Variants in AKR1B15 observed in about 807,000 individuals in gnomAD.
AKR1B15 encodes the protein aldo-keto reductase family 1 member B15.
A neutral mutation model predicts 38.5 loss-of-function variants in AKR1B15; 49 were observed. That is an observed-to-expected ratio of 1.27 (90% CI 1.01 to 1.62). The LOEUF (loss-of-function observed/expected upper bound fraction) is 1.62, where lower values mean the gene tolerates loss of function less well. Among genes scored for constraint, AKR1B15 ranks in the 40% most tolerant of loss-of-function variants. The pLI, the probability that AKR1B15 is intolerant of heterozygous loss-of-function variation, is 0.00. For synonymous variants in AKR1B15, 137 were observed against 135.5 expected (o/e 1.01, Z -0.08); for missense variants, 411 against 381.6 (o/e 1.08, Z -0.64).
intron 5 of AKR1B15, among the ~76,000 whole-genome samples, chr7:134,571,269 T>C (rs1794661709): frequency 6.6e-6 from 1 of 152,180 alleles, no homozygotes; most frequent in Non-Finnish European, 1.5e-5. Flanking sequence ...AGATCTAATC[T>C]TTATCCAGTG....
intron 9 of AKR1B15, 95 bp downstream of exon 9, chr7:134,576,525 G>A: frequency 7.0e-6 from 10 of 1,429,654 alleles, no homozygotes; most frequent in Non-Finnish European, 9.7e-6. Context: ...CCTTAAAGGG[G>A]AAGAACACAG....
intron 3 of AKR1B15, chr7:134,565,672 G>A (rs1235302371): frequency 1.3e-6 from 2 of 1,494,042 alleles, no homozygotes; most frequent in Admixed American, 4.5e-5. Flanking sequence ...TTCAGTCCTG[G>A]AGCTGGGACT....
intron 1 of AKR1B15, among the ~76,000 whole-genome samples, chr7:134,550,936 G>A (rs923417734): frequency 3.3e-5 from 5 of 152,074 alleles, no homozygotes; most frequent in African/African-American, 4.8e-5. Flanking sequence ...TGGAACTCCC[G>A]GTCACCCCGA....
intron 11 of AKR1B15, 134 bp from the exon 12 acceptor site, chr7:134,579,373 C>G: frequency 1.4e-6 from 1 of 704,470 alleles, no homozygotes; most frequent in Non-Finnish European, 2.3e-6. Context: ...TGTAAGCACC[C>G]TTCTTGTGTT....
At chr7:134,562,640 T>TC (rs1159404797) in intron 2 of AKR1B15, among the ~76,000 whole-genome samples, 1 of 150,112 alleles carries the variant, frequency 6.7e-6, no homozygotes, top group Non-Finnish European at 1.5e-5. Context: ...CATCTTACAA[T>TC]CCTCTTGTAA....
chr7:134,568,468 C>A, intron 4 of AKR1B15, 143 bp downstream of exon 4: 1 of 1,264,356 alleles, frequency 7.9e-7, no homozygotes, highest in Non-Finnish European at 1.1e-6. Context: ...GGATACAATA[C>A]TATCCATACT....
rs914004150 is a variant in AKR1B15 at position 134,575,531 on chromosome 7, G to A, written c.625G>A (p.Val209Met). Residue 209 changes from valine to methionine, a missense_variant, in exon 7 of 12, where the codon GTG becomes ATG. Val to Met is a conservative substitution (Grantham distance 21). Transcript: ENST00000457545. ...LNKPGLKYKP[V>M]TNQVECHPYL... ...CAAACCTGGACTGAAATATAAACCA[G>A]TGACTAACCAGGTAAATTCTATTCA... is the stretch of plus-strand genomic sequence containing the variant. The A allele has an allele frequency of 6.2e-7, 1 of 1,613,714 alleles. No homozygotes were observed. The highest frequency in any genetic ancestry group is 8.5e-7 in the Non-Finnish European group (1 of 1,179,816).
At position 134,577,689 on chromosome 7, in the gene AKR1B15, T is replaced by A; in HGVS notation, c.910-15T>A. The A allele has an allele frequency of 6.2e-7, 1 of 1,611,494 alleles. No homozygotes were observed. The highest frequency in any genetic ancestry group is 8.5e-7 in the Non-Finnish European group (1 of 1,178,640). On this transcript the variant is annotated splice_polypyrimidine_tract_variant and intron_variant, in intron 10 of 11. Coordinates refer to ENST00000457545, the MANE Select transcript of AKR1B15 (RefSeq NM_001080538.3). Reference sequence around the variant, plus strand: ...CAGCCTTACCGATAATGTATTGGAATTCTTTCCTTTCTAGGTCTTTGACTT... The same window carrying A: ...CAGCCTTACCGATAATGTATTGGAAATCTTTCCTTTCTAGGTCTTTGACTT...
chr7:134,576,572 G>A (rs1794772588), intron 9 of AKR1B15, 142 bp downstream of exon 9: 1 of 997,914 alleles, frequency 1.0e-6, no homozygotes, highest in Non-Finnish European at 1.5e-6. Context: ...TTTGAAGTCT[G>A]TTGGAACCTC....
chr7:134,552,141 G>C (rs1794005720), intron 1 of AKR1B15, among the ~76,000 whole-genome samples: 1 of 152,146 alleles, frequency 6.6e-6, no homozygotes, highest in African/African-American at 2.4e-5. Context: ...TAACCCACTT[G>C]TTCCTCGTGG....
chr7:134,573,565 A>C, intron 6 of AKR1B15: 1 of 984,698 alleles, frequency 1.0e-6, no homozygotes, highest in Non-Finnish European at 1.2e-6. Flanking sequence ...ATGTAGACCC[A>C]CAACCAGTTC....
chr7:134,572,727 A>G (rs1794692026), intron 6 of AKR1B15, among the ~76,000 whole-genome samples: 1 of 152,064 alleles, frequency 6.6e-6, no homozygotes, highest in African/African-American at 2.4e-5. Context: ...CATATTGAAA[A>G]TGAATTAAGG....
intron 3 of AKR1B15, chr7:134,565,205 C>T: frequency 2.3e-6 from 1 of 430,526 alleles, no homozygotes. Flanking sequence ...TGGGTCCACA[C>T]CACCTTTAAG....
chr7:134,577,148 C>T, intron 10 of AKR1B15, 102 bp downstream of exon 10: 2 of 1,194,520 alleles, frequency 1.7e-6, no homozygotes, highest in South Asian at 1.4e-5. Flanking sequence ...GTCTTTGGCC[C>T]CCTCCTTCCC....
At chr7:134,557,105 C>T (rs1382248665) in intron 2 of AKR1B15, among the ~76,000 whole-genome samples, 4 of 152,186 alleles carry the variant, frequency 2.6e-5, no homozygotes, top group Non-Finnish European at 5.9e-5. Context: ...AAGAAAGTAA[C>T]ACCACCTTTC....
chr7:134,554,671 G>A (rs566457949), intron 1 of AKR1B15, among the ~76,000 whole-genome samples: 1 of 152,284 alleles, frequency 6.6e-6, no homozygotes, highest in East Asian at 1.9e-4. Context: ...ACTTTACAGA[G>A]GTAAAACCAC....
intron 4 of AKR1B15, among the ~76,000 whole-genome samples, chr7:134,568,951 G>C (rs1485898768): frequency 1.3e-5 from 2 of 152,034 alleles, no homozygotes; most frequent in Non-Finnish European, 2.9e-5. Context: ...TAGCAGCCAA[G>C]TCTGGATAAA....
At position 134,579,508 on chromosome 7, in the gene AKR1B15, T is replaced by A. The variant is rs1446822511; in HGVS notation, c.994T>A (p.Phe332Ile). ...RNWRAFDFKE[F>I]SHLEDFPFDA... is the part of the protein sequence containing the mutation. ...TTTTTTTTTTCTCTCTCTCTGTAGA[T>A]TCTCTCATTTGGAGGACTTTCCCTT... The change falls in exon 12 of 12, where the codon TTC becomes ATC. Residue 332 changes from phenylalanine (F) to isoleucine (I), a missense_variant and splice_region_variant. Physicochemically the swap from Phe to Ile is conservative, Grantham distance 21. Transcript: ENST00000457545. 1.3e-6 allele frequency: 2 copies of A among 1,592,660 alleles called. No homozygotes were observed. Among genetic ancestry groups the A allele is most frequent in the African/African-American group, 2.7e-5 (2 of 73,080 alleles).
intron 5 of AKR1B15, chr7:134,570,018 C>T (rs1472630084): frequency 6.5e-6 from 1 of 153,624 alleles, no homozygotes. Context: ...CCATATTTCT[C>T]TTCTTTCAAA....
Sources: gnomAD v4.1 joint callset for allele counts (sites outside exome capture counted in the v4.1 genomes callset) on GRCh38, gnomAD v4.1.1 for gene constraint, MANE v1.5 for transcripts, NCBI Gene and HGNC (gene_info 2026-07-23, HGNC 2026-07-21) for gene names.